The following VILL variants were observed in gnomAD, a reference collection of about 807,000 sequenced individuals.
The protein encoded by VILL is villin like.
In VILL, 102 loss-of-function variants were observed where a neutral mutation model predicts 106.3. The ratio of observed to expected loss-of-function variants is 0.96; its 90% CI spans 0.82 to 1.13. VILL has a LOEUF of 1.13. VILL is among the 50% of genes most tolerant of loss of function. The pLI is 0.00. For missense variants in VILL, 1,076 were observed against 1,116.6 expected (o/e 0.96, Z 0.52); for synonymous variants, 431 against 440.3 (o/e 0.98, Z 0.27).
At chr3:38,001,432 G>A (rs757651901) in intron 11 of VILL, 24 bp from the exon 12 acceptor site, 53 of 1,611,738 alleles carry the variant, frequency 3.3e-5, no homozygotes, top group Non-Finnish European at 4.5e-5. Flanking sequence ...AGCCACCTGT[G>A]CCCATTGGTC....
intron 14 of VILL, chr3:38,002,871 C>T: frequency 1.9e-6 from 1 of 532,100 alleles, no homozygotes; most frequent in Non-Finnish European, 3.3e-6. Flanking sequence ...AGGCCTATGC[C>T]AGTTTGCTGG....
chr3:37,993,173 C>T (rs570923459), intron 1 of VILL, among the ~76,000 whole-genome samples: 20 of 152,346 alleles, frequency 1.3e-4, no homozygotes, highest in African/African-American at 4.1e-4. Flanking sequence ...CACTGTCATT[C>T]ACTGCCCTCT....
intron 15 of VILL, 199 bp downstream of exon 15, chr3:38,003,512 G>A: frequency 1.5e-6 from 1 of 662,856 alleles, no homozygotes. Context: ...TCTCTCAGAT[G>A]CTGGGGAGAG....
intron 3 of VILL, 102 bp downstream of exon 3, chr3:37,994,074 G>C: frequency 6.6e-7 from 1 of 1,513,122 alleles, no homozygotes; most frequent in East Asian, 2.3e-5. Flanking sequence ...GGCAAGTTGA[G>C]AGCCGGAGAA....
In VILL at chr3:38,006,610, C is replaced by T. The variant is rs113458587; in HGVS notation, c.2367C>T (p.Ser789=). ...CCAGCAGCTCCGTCAGCAGCACCAG[C>T]GCCACGATCAACGGGGGCCTGCGCC... The part of the protein sequence containing the change: ...SRTSSSVSST[S]ATINGGLRRE... The change falls in exon 19 of 20, where the codon AGC becomes AGT. Residue 789 remains serine, a synonymous_variant. Coordinates refer to ENST00000383759, the MANE Select transcript of VILL (RefSeq NM_015873.4). 10 of 1,613,970 alleles carry T rather than the reference C, an allele frequency of 6.2e-6. No homozygotes were observed. The highest frequency in any genetic ancestry group is 3.3e-5 in the Admixed American group (2 of 60,012).
intron 16 of VILL, among the ~76,000 whole-genome samples, chr3:38,005,096 CTG>C (rs1167362155): frequency 5.9e-5 from 9 of 151,784 alleles, no homozygotes; most frequent in Non-Finnish European, 1.2e-4. Context: ...CGATGGATGA[CTG>C]TGTGTCTGTG....
At chr3:37,988,442 G>A (rs1297228307), upstream of VILL, among the ~76,000 whole-genome samples, 2 of 152,192 alleles carry the variant, frequency 1.3e-5, no homozygotes, top group Non-Finnish European at 2.9e-5. Flanking sequence ...GGGGGCAATG[G>A]GGAGTCTATG....
At chr3:37,993,532 T>G in intron 1 of VILL, 55 bp from the exon 2 acceptor site, 3 of 706,000 alleles carry the variant, frequency 4.2e-6, no homozygotes, top group Non-Finnish European at 7.1e-6. Flanking sequence ...GTCTGTGTGC[T>G]GACATTTGTG....
At position 37,997,038 on chromosome 3, in the gene VILL, G is replaced by T. The variant is rs545101414; in HGVS notation, c.451-39G>T. On this transcript the variant is annotated intron_variant, in intron 5 of 19. Coordinates refer to ENST00000383759, the MANE Select transcript of VILL (RefSeq NM_015873.4). This position sits in a 1 kb window ranked among gnomAD's most constrained non-coding sequence, Gnocchi z 4.7. ...GCTATGCTCCCCTCTAGCGGATGCT[G>T]GTGGTATGACACTCTGTCTCTCTCC... 1.7e-5 allele frequency: 27 copies of T among 1,579,624 alleles called. 2 individuals are homozygous for T. In the East Asian group the frequency reaches 5.8e-4, roughly 34 times the overall value.
chr3:37,997,077 G>T lies in VILL; in HGVS notation c.451G>T (p.Val151Leu). ...KGRKHVSATE[V>L]ELSWNSFNKG... ...CTGTCTCTCTCCCTGGCTCTGGCAG[G>T]TGGAGCTCTCCTGGAACAGCTTTAA... is the stretch of plus-strand genomic sequence containing the variant. Residue 151 changes from valine (V) to leucine (L), a missense_variant and splice_region_variant, in exon 6 of 20, where the codon GTG becomes TTG. Val to Leu is a conservative substitution (Grantham distance 32). Transcript: ENST00000383759. This position sits in a 1 kb window ranked among gnomAD's most constrained non-coding sequence, Gnocchi z 4.7. 1 of 1,613,884 alleles carries T rather than the reference G, an allele frequency of 6.2e-7. No homozygotes were observed. Among genetic ancestry groups the T allele is most frequent in the South Asian group, 1.1e-5 (1 of 91,062 alleles).
At chr3:37,999,227 G>A in intron 10 of VILL, 112 bp from the exon 11 acceptor site, 2 of 1,215,146 alleles carry the variant, frequency 1.6e-6, no homozygotes, top group Non-Finnish European at 2.2e-6. Context: ...GTGGGCTGCG[G>A]AGGACGCGGC....
At chr3:37,993,103 A>G (rs1315692094) in intron 1 of VILL, among the ~76,000 whole-genome samples, 1 of 152,246 alleles carries the variant, frequency 6.6e-6, no homozygotes, top group Non-Finnish European at 1.5e-5. Context: ...GTGCCAAGAC[A>G]TAACAAAATC....
chr3:38,001,229 C>T (rs989912104), intron 11 of VILL: 2 of 644,162 alleles, frequency 3.1e-6, no homozygotes, highest in Non-Finnish European at 5.3e-6. Context: ...GGGCCCATCT[C>T]CCAAGTGTGG....
chr3:38,005,686 G>A, intron 16 of VILL, 106 bp from the exon 17 acceptor site: 2 of 1,266,044 alleles, frequency 1.6e-6, no homozygotes, highest in Non-Finnish European at 2.2e-6. Context: ...CCAGGGATGT[G>A]TATGTGGGGT....
At chr3:38,003,375 G>T (rs1306058301) in intron 15 of VILL, 62 bp downstream of exon 15, 3 of 1,485,630 alleles carry the variant, frequency 2.0e-6, no homozygotes, top group Middle Eastern at 2.3e-4. Context: ...AGAGAGGAGG[G>T]TGGGTGACTG....
Position 37,997,412 on chromosome 3 carries a change from A to G in VILL, c.562-71A>G. On this transcript the variant is annotated intron_variant, in intron 6 of 19. Transcript: ENST00000383759. The surrounding 1 kb of genome is among the most constrained non-coding windows in gnomAD (Gnocchi z 4.7). ...CCCCATCAGCCTCTGGGAGCTGAGC[A>G]GTGACAGGAGAAGTCTCTGCTGTGA... The G allele has an allele frequency of 6.6e-7, 1 of 1,519,468 alleles. No individual in the cohort carries two copies. The highest frequency in any genetic ancestry group is 9.0e-7 in the Non-Finnish European group (1 of 1,107,188). The allele number at this position is 1,519,468 out of a possible 1,614,324, so 94.1% of individuals were successfully genotyped here. A position where few individuals can be genotyped will look rare whatever the true frequency, so the allele number is the denominator to read the frequency against.
At position 37,998,825 on chromosome 3, in the gene VILL, G is replaced by T. The variant is rs1188476954; in HGVS notation, c.943-87G>T. ...GGTTAATTAACGCTTCTTGGAGCTC[G>T]GCTGTCCCAGAGCGGTAGGTCCCCA... is the stretch of plus-strand genomic sequence containing the variant. On this transcript the variant is annotated intron_variant, in intron 9 of 19. Coordinates refer to ENST00000383759, the MANE Select transcript of VILL (RefSeq NM_015873.4). The surrounding 1 kb of genome is among the most constrained non-coding windows in gnomAD (Gnocchi z 4.1). 2 of 1,499,608 alleles carry T rather than the reference G, an allele frequency of 1.3e-6. No homozygotes were observed. Among genetic ancestry groups the T allele is most frequent in the South Asian group, 2.6e-5 (2 of 76,624 alleles). 92.9% of individuals were successfully genotyped at this position (1,499,608 alleles called of 1,614,324 possible). A position where few individuals can be genotyped will look rare whatever the true frequency, so the allele number is the denominator to read the frequency against.
Position 38,001,857 on chromosome 3 carries a change from C to G in VILL, c.1476C>G (p.Phe492Leu). Residue 492 changes from phenylalanine (F) to leucine (L), a missense_variant, in exon 13 of 20, where the codon TTC becomes TTG. Coordinates refer to ENST00000383759, the MANE Select transcript of VILL (RefSeq NM_015873.4). Reference sequence around the variant, plus strand: ...TCTTCCAGGGCCAGCTGGTGATCTTCCAGGTAGGTCTCACCTTGCCACTCT... The same window carrying G: ...TCTTCCAGGGCCAGCTGGTGATCTTGCAGGTAGGTCTCACCTTGCCACTCT... Reference protein sequence around the residue: ...LAIFQGQLVIFQERAGHHGKG... With the variant: ...LAIFQGQLVILQERAGHHGKG... 1 of 1,614,240 alleles carries G rather than the reference C, an allele frequency of 6.2e-7. No homozygotes were observed. The highest frequency in any genetic ancestry group is 8.5e-7 in the Non-Finnish European group (1 of 1,180,030).
intron 11 of VILL, 47 bp downstream of exon 11, chr3:37,999,486 A>G: frequency 7.1e-7 from 1 of 1,402,024 alleles, no homozygotes; most frequent in Non-Finnish European, 9.4e-7. Flanking sequence ...CACGGAGGTA[A>G]GCTTTGCCTA....
Sources: allele counts gnomAD v4.1 joint callset (sites outside exome capture counted in the v4.1 genomes callset), GRCh38; gene constraint gnomAD v4.1.1; non-coding constraint Gnocchi (gnomAD v3.1); transcripts MANE v1.5; gene names NCBI Gene and HGNC (gene_info 2026-07-23, HGNC 2026-07-21).